Variants in PGM5 observed in about 807,000 individuals in gnomAD.
The protein encoded by PGM5 is phosphoglucomutase-like protein 5.
In PGM5, 23 loss-of-function variants were observed where a neutral mutation model predicts 59.2. That is an observed-to-expected ratio of 0.39 (90% CI 0.28 to 0.55). The LOEUF (loss-of-function observed/expected upper bound fraction) is 0.55. Among genes scored for constraint, PGM5 ranks in the 20% least tolerant of loss-of-function variants. The pLI, the probability that PGM5 is intolerant of heterozygous loss-of-function variation, is 0.66. For synonymous variants in PGM5, 214 were observed against 286.0 expected, an observed-to-expected ratio of 0.75 and a Z score of 2.54; for missense variants, 574 against 748.3, an observed-to-expected ratio of 0.77 and a Z score of 2.72.
At chr9:68,406,581 G>A (rs1479761441) in intron 6 of PGM5, 1 of 147,314 alleles carries the variant, frequency 6.8e-6, no homozygotes, top group Admixed American at 6.8e-5. Flanking sequence ...CCACACTAGG[G>A]ATGAAGTTTC....
chr9:68,427,454 G>T (rs1823256504), intron 6 of PGM5, among the ~76,000 whole-genome samples: 1 of 152,126 alleles, frequency 6.6e-6, no homozygotes, highest in Admixed American at 6.5e-5. Context: ...GGTTAGGGAG[G>T]GTTTCCAAAT....
intron 5 of PGM5, 122 bp downstream of exon 5, chr9:68,391,846 G>A (rs782189941): frequency 1.0e-4 from 94 of 935,390 alleles, no homozygotes; most frequent in Admixed American, 2.3e-4. Flanking sequence ...GCCCTAACTG[G>A]CTCTGCATCT....
intron 6 of PGM5, among the ~76,000 whole-genome samples, chr9:68,461,407 G>C (rs1432179383): frequency 2.6e-5 from 4 of 152,182 alleles, no homozygotes; most frequent in Admixed American, 1.3e-4. Context: ...GAAAAGATGA[G>C]ATGGATTGTT....
chr9:68,437,009 A>G lies in PGM5; in HGVS notation c.1044-28084A>G, dbSNP rs1554683407. 1.3e-5 allele frequency among the ~76,000 whole-genome samples: 2 copies of G among 152,262 alleles called. No individual in the cohort carries two copies. The highest frequency in any genetic ancestry group is 2.4e-5 in the African/African-American group (1 of 41,466). On this transcript the variant is annotated intron_variant, in intron 6 of 10. Transcript: ENST00000396396. The surrounding 1 kb of genome is among the most constrained non-coding windows in gnomAD (Gnocchi z 4.1). The stretch of plus-strand genomic sequence containing the variant: ...TTAATGAATTTCTTCACTAAAATTT[A>G]AAAATGCCTTTGTATTTATGCATAG...
chr9:68,508,279 A>C (rs1316504509), intron 10 of PGM5, among the ~76,000 whole-genome samples: 1 of 152,214 alleles, frequency 6.6e-6, no homozygotes, highest in East Asian at 1.9e-4. Context: ...AGAACAGACC[A>C]CTGAAGAGCC....
intron 4 of PGM5, among the ~76,000 whole-genome samples, chr9:68,387,940 T>C (rs1225096404): frequency 6.6e-6 from 1 of 152,076 alleles, no homozygotes; most frequent in Non-Finnish European, 1.5e-5. Context: ...CCCCAATTTG[T>C]TACCTTCCAG....
intron 1 of PGM5, among the ~76,000 whole-genome samples, chr9:68,361,192 T>C (rs1428074834): frequency 6.6e-6 from 1 of 152,226 alleles, no homozygotes; most frequent in Admixed American, 6.5e-5. Flanking sequence ...ATATCTTTTG[T>C]GGCTGGTTTG....
intron 6 of PGM5, among the ~76,000 whole-genome samples, chr9:68,462,892 T>A (rs974914494): frequency 6.6e-6 from 1 of 152,134 alleles, no homozygotes; most frequent in African/African-American, 2.4e-5. Flanking sequence ...CTTCTGACCA[T>A]GAAAATAATG....
intron 7 of PGM5, 120 bp downstream of exon 7, chr9:68,465,328 CAG>C (rs1823917585): frequency 3.0e-6 from 2 of 672,816 alleles, no homozygotes; most frequent in Non-Finnish European, 5.4e-6. Flanking sequence ...GGCAAAAAAT[CAG>C]AGAAACCTAG....
intron 1 of PGM5, among the ~76,000 whole-genome samples, chr9:68,366,566 C>A (rs1554676702): frequency 6.6e-6 from 1 of 152,242 alleles, no homozygotes; most frequent in African/African-American, 2.4e-5. Flanking sequence ...AGGAGAGTCC[C>A]TTTTCCTATC....
rs74589705 is a variant in PGM5 at position 68,417,507 on chromosome 9, T to G, written c.1043+25034T>G. Reference sequence around the variant, plus strand: ...CCTGGATGATCCATGTCATGGAACATTGAGCTGCGTATCCTTTCATTTCCA... The same window carrying G: ...CCTGGATGATCCATGTCATGGAACAGTGAGCTGCGTATCCTTTCATTTCCA... On this transcript the variant is annotated intron_variant, in intron 6 of 10. Transcript: ENST00000396396. Among the ~76,000 whole-genome samples, 872 of 152,278 alleles carry G rather than the reference T, an allele frequency of 5.7e-3. 9 individuals are homozygous for G. Among genetic ancestry groups the G allele is most frequent in the African/African-American group, 0.02 (819 of 41,544 alleles).
At chr9:68,487,629 A>G (rs1824318830) in intron 9 of PGM5, among the ~76,000 whole-genome samples, 1 of 152,130 alleles carries the variant, frequency 6.6e-6, no homozygotes, top group Non-Finnish European at 1.5e-5. Context: ...GATGATCCCA[A>G]GGTAGTGGGA....
intron 6 of PGM5, among the ~76,000 whole-genome samples, chr9:68,462,389 G>A (rs1823869520): frequency 6.6e-6 from 1 of 152,154 alleles, no homozygotes; most frequent in African/African-American, 2.4e-5. Context: ...CCCAAGTTCA[G>A]GAGAGGGAGG....
chr9:68,479,606 A>G (rs1452090806), intron 8 of PGM5, 53 bp downstream of exon 8: 4 of 1,573,308 alleles, frequency 2.5e-6, no homozygotes, highest in African/African-American at 2.7e-5. Context: ...TACTCCTAGA[A>G]CAGGTTTCTA....
intron 1 of PGM5, chr9:68,371,758 G>A (rs563098978): frequency 6.6e-6 from 1 of 152,212 alleles, no homozygotes; most frequent in East Asian, 1.9e-4. Flanking sequence ...TTTTATCAAT[G>A]ACTAGATCTT....
At chr9:68,497,040 A>G (rs527601208) in intron 9 of PGM5, 3 of 152,370 alleles carry the variant, frequency 2.0e-5, no homozygotes, top group African/African-American at 7.2e-5. Context: ...AAGAGTTTGT[A>G]AAAACAAGGC....
intron 9 of PGM5, among the ~76,000 whole-genome samples, chr9:68,491,237 A>C (rs1184820436): frequency 6.6e-6 from 1 of 152,240 alleles, no homozygotes; most frequent in African/African-American, 2.4e-5. Flanking sequence ...GAACGGTATT[A>C]CAGAGGAAGA....
chr9:68,377,379 A>C (rs1195894456), intron 1 of PGM5, among the ~76,000 whole-genome samples: 3 of 152,198 alleles, frequency 2.0e-5, no homozygotes, highest in Non-Finnish European at 4.4e-5. Context: ...CAGAGATTGC[A>C]ATATAATCAG....
rs557769231 is a variant in PGM5 at position 68,462,204 on chromosome 9, C to A, written c.1044-2889C>A. ...TCTGGCCTTTCCTAGGAAGTGAGTT[C>A]TCATGTTTATCTCCCCGACACAATG... On this transcript the variant is annotated intron_variant, in intron 6 of 10. Transcript: ENST00000396396. 2.6e-5 allele frequency among the ~76,000 whole-genome samples: 4 copies of A among 152,060 alleles called. No homozygotes were observed. The South Asian group carries it at 8.3e-4, about 32-fold the overall frequency.
Sources: allele counts gnomAD v4.1 joint callset (sites outside exome capture counted in the v4.1 genomes callset), GRCh38; gene constraint gnomAD v4.1.1; non-coding constraint Gnocchi (gnomAD v3.1); transcripts MANE v1.5; gene names NCBI Gene and HGNC (gene_info 2026-07-23, HGNC 2026-07-21).